The following ATP9B variants were observed in gnomAD, a reference collection of about 807,000 sequenced individuals.
ATP9B encodes the protein ATPase phospholipid transporting 9B.
ATP9B carries 110 observed loss-of-function variants against 146.1 expected under a neutral mutation model. That is an observed-to-expected ratio of 0.75 (90% CI 0.65 to 0.88). The LOEUF (loss-of-function observed/expected upper bound fraction) is 0.88. Ranked by LOEUF, ATP9B falls within the 40% of genes least tolerant of loss-of-function variation. The pLI is 0.00. For missense variants in ATP9B, 1,499 were observed against 1,496.4 expected, an observed-to-expected ratio of 1.00 and a Z score of -0.03; for synonymous variants, 604 against 569.7, an observed-to-expected ratio of 1.06 and a Z score of -0.86.
In ATP9B at chr18:79,184,617, C is replaced by G. The variant is rs375731737; in HGVS notation, c.873+7710C>G. On this transcript the variant is annotated intron_variant, in intron 8 of 29. Coordinates refer to ENST00000426216, the MANE Select transcript of ATP9B (RefSeq NM_198531.5). ...TTTATCATAGAGACATTCTTGCAGC[C>G]TATTGACTTTCTAATGTAATTGGAA... 9.9e-5 allele frequency among the ~76,000 whole-genome samples: 15 copies of G among 152,220 alleles called. No homozygotes were observed. In the East Asian group the frequency reaches 2.3e-3, roughly 23 times the overall value.
At chr18:79,243,635 T>G (rs1309298787) in intron 11 of ATP9B, among the ~76,000 whole-genome samples, 1 of 152,250 alleles carries the variant, frequency 6.6e-6, no homozygotes, top group African/African-American at 2.4e-5. Context: ...GTATGTAGGT[T>G]ATCAAGGTGG....
At chr18:79,160,754 GTGTT>G (rs148998603) in intron 7 of ATP9B, among the ~76,000 whole-genome samples, 2,233 of 151,940 alleles carry the variant, frequency 0.015, 27 homozygotes, top group African/African-American at 0.027. Flanking sequence ...GGGTTTGTTT[GTGTT>G]TGTTTGTTTG....
intron 11 of ATP9B, among the ~76,000 whole-genome samples, chr18:79,216,439 G>A (rs1273797697): frequency 2.0e-5 from 3 of 152,328 alleles, no homozygotes; most frequent in Admixed American, 6.5e-5. Flanking sequence ...ACAAGGTCAT[G>A]CTCATGCACA....
chr18:79,282,628 G>A (rs1055071525), intron 13 of ATP9B, among the ~76,000 whole-genome samples: 1 of 152,196 alleles, frequency 6.6e-6, no homozygotes, highest in Non-Finnish European at 1.5e-5. Context: ...ACTTACTATA[G>A]TGTAAACATC....
At chr18:79,077,190 A>G (rs944567719) in intron 1 of ATP9B, among the ~76,000 whole-genome samples, 1 of 152,184 alleles carries the variant, frequency 6.6e-6, no homozygotes, top group Non-Finnish European at 1.5e-5. Flanking sequence ...ATTTTCCAGT[A>G]TAGCCTAGAC....
intron 4 of ATP9B, among the ~76,000 whole-genome samples, chr18:79,123,999 G>A (rs1376841207): frequency 2.6e-5 from 4 of 152,282 alleles, no homozygotes; most frequent in African/African-American, 7.2e-5. Flanking sequence ...AATACAAAGG[G>A]CAGACAGTAA....
intron 25 of ATP9B, chr18:79,353,378 ACT>A (rs1256309224): frequency 6.6e-6 from 1 of 152,074 alleles, no homozygotes; most frequent in Non-Finnish European, 1.5e-5. Flanking sequence ...CAGCAGCAGG[ACT>A]CTCACCGCTT....
At position 79,377,400 on chromosome 18, in the gene ATP9B, A is replaced by G. The variant is rs1301913019; in HGVS notation, c.*17A>G. On this transcript the variant is annotated 3_prime_UTR_variant, in exon 30 of 30. Coordinates refer to ENST00000426216, the MANE Select transcript of ATP9B (RefSeq NM_198531.5). Reference sequence around the variant, plus strand: ...GCCTCCTAAGGGGCTGTGCACCCCCAGCGGGCTGGCCCCAGCACCTTCTGC... The same window carrying G: ...GCCTCCTAAGGGGCTGTGCACCCCCGGCGGGCTGGCCCCAGCACCTTCTGC... 4 of 1,604,144 alleles carry G rather than the reference A, an allele frequency of 2.5e-6. No individual in the cohort carries two copies. The South Asian group carries it at 4.4e-5, about 18-fold the overall frequency.
At chr18:79,153,100 A>G (rs770254496) in intron 6 of ATP9B, among the ~76,000 whole-genome samples, 5 of 152,192 alleles carry the variant, frequency 3.3e-5, no homozygotes, top group Non-Finnish European at 7.3e-5. Flanking sequence ...TCTATCCAAT[A>G]ACATAGCTTT....
chr18:79,219,426 A>T (rs529061294), intron 11 of ATP9B, among the ~76,000 whole-genome samples: 1 of 152,224 alleles, frequency 6.6e-6, no homozygotes, highest in African/African-American at 2.4e-5. Flanking sequence ...AATCCATATC[A>T]CAAACCTATT....
chr18:79,104,385 G>C (rs1048309243), intron 2 of ATP9B, among the ~76,000 whole-genome samples: 2 of 152,054 alleles, frequency 1.3e-5, no homozygotes, highest in African/African-American at 4.8e-5. Context: ...TTCATGGTGG[G>C]GACTCTTCAC....
chr18:79,369,273 G>A (rs1292046660), intron 26 of ATP9B, among the ~76,000 whole-genome samples: 4 of 151,406 alleles, frequency 2.6e-5, no homozygotes, highest in African/African-American at 4.9e-5. Context: ...GGTGGCTCAC[G>A]CCTGTAATCC....
intron 13 of ATP9B, among the ~76,000 whole-genome samples, chr18:79,290,349 G>T (rs567274408): frequency 6.6e-6 from 1 of 152,162 alleles, no homozygotes; most frequent in African/African-American, 2.4e-5. Context: ...CCTTGCTGCC[G>T]CCTTGCAGTT....
intron 19 of ATP9B, among the ~76,000 whole-genome samples, chr18:79,337,717 C>G (rs1410372308): frequency 1.3e-5 from 2 of 152,212 alleles, no homozygotes; most frequent in Non-Finnish European, 2.9e-5. Flanking sequence ...GAGTCCTGGT[C>G]CCAGCCCTGG....
chr18:79,238,308 G>A (rs982148617), intron 11 of ATP9B, among the ~76,000 whole-genome samples: 1 of 151,052 alleles, frequency 6.6e-6, no homozygotes, highest in Admixed American at 6.6e-5. Context: ...GCTGTTGTCC[G>A]AATGCTGCTG....
At chr18:79,160,288 C>T (rs574240438) in intron 7 of ATP9B, among the ~76,000 whole-genome samples, 247 of 152,196 alleles carry the variant, frequency 1.6e-3, no homozygotes, top group Non-Finnish European at 2.6e-3. Flanking sequence ...CTTTCAAGTC[C>T]GGTTATTTTC....
intron 3 of ATP9B, among the ~76,000 whole-genome samples, chr18:79,111,805 G>A (rs1599632781): frequency 6.6e-6 from 1 of 152,148 alleles, no homozygotes; most frequent in Non-Finnish European, 1.5e-5. Flanking sequence ...TGATTACCAT[G>A]TGTATGAGTT....
intron 11 of ATP9B, among the ~76,000 whole-genome samples, chr18:79,234,925 T>G (rs1402354304): frequency 6.6e-6 from 1 of 152,124 alleles, no homozygotes; most frequent in Non-Finnish European, 1.5e-5. Flanking sequence ...CAGGCTGGAG[T>G]TCAGTGGCGC....
At chr18:79,102,033 C>T (rs961081412) in intron 2 of ATP9B, among the ~76,000 whole-genome samples, 2 of 152,138 alleles carry the variant, frequency 1.3e-5, no homozygotes, top group Non-Finnish European at 2.9e-5. Flanking sequence ...GCAACTTCCG[C>T]CTCCTGGGTC....
Sources: allele counts gnomAD v4.1 joint callset (sites outside exome capture counted in the v4.1 genomes callset), GRCh38; gene constraint gnomAD v4.1.1; transcripts MANE v1.5; gene names NCBI Gene and HGNC (gene_info 2026-07-23, HGNC 2026-07-21).